EGFR: variants seen among roughly 807,000 people sequenced by gnomAD.
The protein encoded by EGFR is avian erythroblastic leukemia viral (v-erb-b) oncogene homolog.
Under a neutral mutation model 143.0 loss-of-function variants are expected in EGFR, and 58 were observed. That is an observed-to-expected ratio of 0.41 (90% CI 0.33 to 0.50). EGFR has a LOEUF of 0.50. Ranked by LOEUF, EGFR falls within the 20% of genes least tolerant of loss-of-function variation. The probability of loss-of-function intolerance (pLI) is 0.39; values close to 1 mark genes in which losing one functional copy is unlikely to be tolerated. For missense variants in EGFR, 1,307 were observed against 1,579.0 expected (o/e 0.83, Z 2.92); for synonymous variants, 613 against 594.4 (o/e 1.03, Z -0.45).
chr7:55,108,023 C>G (rs541686689), intron 1 of EGFR, among the ~76,000 whole-genome samples: 1 of 152,288 alleles, frequency 6.6e-6, no homozygotes, highest in East Asian at 1.9e-4. Flanking sequence ...TGTATTTCCT[C>G]TTTAGTTATT....
At position 55,177,736 on chromosome 7, in the gene EGFR, C is replaced by A. The variant is rs149652895; in HGVS notation, c.2283+2916C>A. ...TCACAAAGCCTCAGGGACACTCCTG[C>A]GGTGGGACTGGGCTAGGAGCCATGG... On this transcript the variant is annotated intron_variant, in intron 19 of 27. Transcript: ENST00000275493. Among the ~76,000 whole-genome samples, 1,006 of 152,294 alleles carry A rather than the reference C, an allele frequency of 6.6e-3. 9 individuals are homozygous for A. Among genetic ancestry groups the A allele is most frequent in the African/African-American group, 0.023 (943 of 41,562 alleles).
intron 1 of EGFR, among the ~76,000 whole-genome samples, chr7:55,051,010 C>T (rs940991592): frequency 6.6e-6 from 1 of 152,134 alleles, no homozygotes; most frequent in African/African-American, 2.4e-5. Context: ...ACCTGAGCTC[C>T]TTCTGGAGGG....
At chr7:55,116,647 C>T (rs1370054540) in intron 1 of EGFR, among the ~76,000 whole-genome samples, 1 of 152,170 alleles carries the variant, frequency 6.6e-6, no homozygotes, top group Non-Finnish European at 1.5e-5. Context: ...ATACCAGCAC[C>T]CTAGAAGCAC....
At chr7:55,172,958 T>C (rs780592028) in intron 16 of EGFR, 25 bp from the exon 17 acceptor site, 1 of 1,614,160 alleles carries the variant, frequency 6.2e-7, no homozygotes, top group Admixed American at 1.7e-5. Context: ...ACCTCACCCT[T>C]CCTTGTTCCT....
intron 1 of EGFR, among the ~76,000 whole-genome samples, chr7:55,039,218 G>A (rs1403421551): frequency 6.6e-6 from 1 of 152,160 alleles, no homozygotes; most frequent in African/African-American, 2.4e-5. Flanking sequence ...CTTGCTCAAC[G>A]TATTTTACTA....
intron 1 of EGFR, among the ~76,000 whole-genome samples, chr7:55,056,560 G>A (rs1583927174): frequency 6.6e-6 from 1 of 152,178 alleles, no homozygotes; most frequent in African/African-American, 2.4e-5. Flanking sequence ...GATAAATGAT[G>A]TAGTTAGCTT....
At chr7:55,173,770 T>A in intron 17 of EGFR, 151 bp from the exon 18 acceptor site, 2 of 1,230,398 alleles carry the variant, frequency 1.6e-6, no homozygotes, top group Non-Finnish European at 2.4e-6. Context: ...AGGCGTACAT[T>A]TGTCCTTCCA....
rs530545997 is a variant in EGFR, at chr7:55,163,700, G to T, written c.1632-33G>T. ...GTGTTCCTGCAATAATGTCTCAGGG[G>T]TGGGCTGACGGGTTTCCTCTTCCTC... On this transcript the variant is annotated intron_variant, in intron 13 of 27. Coordinates refer to ENST00000275493, the MANE Select transcript of EGFR (RefSeq NM_005228.5). 4 of 1,583,640 alleles carry T rather than the reference G, an allele frequency of 2.5e-6. No homozygotes were observed. The South Asian group carries it at 4.4e-5, about 18-fold the overall frequency.
chr7:55,199,405 G>A (rs964307705), intron 23 of EGFR, among the ~76,000 whole-genome samples: 28 of 152,380 alleles, frequency 1.8e-4, no homozygotes, highest in African/African-American at 6.5e-4. Flanking sequence ...TCTGGAGGTA[G>A]CATTACATGC....
chr7:55,028,570 A>G (rs1396279377), intron 1 of EGFR, among the ~76,000 whole-genome samples: 1 of 152,166 alleles, frequency 6.6e-6, no homozygotes, highest in East Asian at 1.9e-4. Flanking sequence ...AGGAGATTTT[A>G]TTACAATGGT....
intron 1 of EGFR, among the ~76,000 whole-genome samples, chr7:55,060,766 A>T (rs1177368376): frequency 6.6e-6 from 1 of 152,168 alleles, no homozygotes; most frequent in Non-Finnish European, 1.5e-5. Context: ...GTGAAAGGGT[A>T]TGAGTAGGTT....
intron 3 of EGFR, among the ~76,000 whole-genome samples, chr7:55,144,315 G>A (rs578227652): frequency 3.0e-4 from 46 of 152,282 alleles, no homozygotes; most frequent in African/African-American, 1.0e-3. Context: ...ATGCTAAGCC[G>A]GGGACTGGCT....
Position 55,200,607 on chromosome 7 carries a change from A to C in EGFR, c.2946+194A>C, listed in dbSNP as rs17290678. The C allele has an allele frequency of 0.014, 9,386 of 648,406 alleles. 654 individuals carry two copies. In the African/African-American group the frequency reaches 0.15, roughly 10 times the overall value. 40.2% of individuals were successfully genotyped at this position (648,406 alleles called of 1,614,324 possible). A position where few individuals can be genotyped will look rare whatever the true frequency, so the allele number is the denominator to read the frequency against. ...TAAGCAGCATCCGTGAGTGGGGCCC[A>C]CCCAACTCCATCTCCCCCTCCCCGT... On this transcript the variant is annotated intron_variant, in intron 24 of 27. Coordinates refer to ENST00000275493, the MANE Select transcript of EGFR (RefSeq NM_005228.5).
intron 1 of EGFR, among the ~76,000 whole-genome samples, chr7:55,088,744 A>G (rs1474029487): frequency 1.3e-5 from 2 of 152,214 alleles, no homozygotes; most frequent in Non-Finnish European, 2.9e-5. Flanking sequence ...TTCTGGAATG[A>G]AAGGCCTTCG....
chr7:55,102,198 A>C (rs1584042396), intron 1 of EGFR, among the ~76,000 whole-genome samples: 1 of 150,664 alleles, frequency 6.6e-6, no homozygotes, highest in African/African-American at 2.4e-5. Flanking sequence ...TCAGCTCCCC[A>C]CTCCCACCTG....
intron 1 of EGFR, among the ~76,000 whole-genome samples, chr7:55,101,649 A>G (rs1442934130): frequency 1.3e-5 from 2 of 152,248 alleles, no homozygotes; most frequent in African/African-American, 4.8e-5. Context: ...CTGCCCAGCT[A>G]TGAAACAGGT....
At chr7:55,197,671 G>A (rs947972016) in intron 22 of EGFR, among the ~76,000 whole-genome samples, 3 of 152,180 alleles carry the variant, frequency 2.0e-5, no homozygotes, top group Admixed American at 6.5e-5. Context: ...ATATGTTGAG[G>A]TTTGTTCTTT....
intron 24 of EGFR, 98 bp downstream of exon 24, chr7:55,200,511 C>A (rs1787799929): frequency 1.6e-6 from 2 of 1,225,022 alleles, no homozygotes; most frequent in South Asian, 1.2e-5. Context: ...CTCCCTGTGT[C>A]CCAGATCGCA....
intron 1 of EGFR, among the ~76,000 whole-genome samples, chr7:55,098,807 T>TA (rs1428876458): frequency 6.6e-6 from 1 of 152,188 alleles, no homozygotes; most frequent in African/African-American, 2.4e-5. Flanking sequence ...CTCCACTTGT[T>TA]AAAAAGATTC....
Sources: allele counts gnomAD v4.1 joint callset (sites outside exome capture counted in the v4.1 genomes callset), GRCh38; gene constraint gnomAD v4.1.1; transcripts MANE v1.5; gene names NCBI Gene and HGNC (gene_info 2026-07-23, HGNC 2026-07-21).